ARPC5: variants seen among roughly 807,000 people sequenced by gnomAD.
ARPC5 encodes the protein actin related protein 2/3 complex subunit 5.
In ARPC5, 5 loss-of-function variants were observed where a neutral mutation model predicts 15.4. The observed-to-expected ratio is 0.32, with a 90% CI of 0.17 to 0.68. The LOEUF (loss-of-function observed/expected upper bound fraction) is 0.68. Ranked by LOEUF, ARPC5 falls within the 30% of genes least tolerant of loss-of-function variation. ARPC5 has a pLI of 0.71. For missense variants in ARPC5, 138 were observed against 192.8 expected (o/e 0.72, Z 1.68); for synonymous variants, 85 against 72.2 (o/e 1.18, Z -0.90).
intron 3 of ARPC5, among the ~76,000 whole-genome samples, chr1:183,627,985 A>C (rs1399238314): frequency 2.0e-5 from 3 of 151,930 alleles, no homozygotes; most frequent in Non-Finnish European, 4.4e-5. Context: ...CATCCTGGCT[A>C]ACATGGTGAA....
chr1:183,631,366 G>A (rs1572198331), intron 2 of ARPC5: 1 of 151,848 alleles, frequency 6.6e-6, no homozygotes, highest in Admixed American at 6.6e-5. Flanking sequence ...GATCACCTGA[G>A]GTCAGGAGTT....
chr1:183,633,796 C>T (rs984560338), intron 1 of ARPC5: 2 of 152,154 alleles, frequency 1.3e-5, no homozygotes, highest in African/African-American at 2.4e-5. Flanking sequence ...TTAGACCATA[C>T]CTATTAAATT....
At position 183,635,634 on chromosome 1, in the gene ARPC5, G is replaced by A. The variant is rs2101961910; in HGVS notation, c.26C>T (p.Ala9Val). Residue 9 changes from alanine (A) to valine (V), a missense_variant, in exon 1 of 4, where the codon GCC becomes GTC. Transcript: ENST00000359856. ...ATCCACGTCCACCTTCCGGAAGCGGGCCGACGACACTGTGTTCTTCGACAT... is the reference window on the plus strand; with the variant it reads ...ATCCACGTCCACCTTCCGGAAGCGGACCGACGACACTGTGTTCTTCGACAT... Reference protein sequence around the residue: MSKNTVSSARFRKVDVDEY... With the variant: MSKNTVSSVRFRKVDVDEY... 1 of 1,613,254 alleles carries A rather than the reference G, an allele frequency of 6.2e-7. No homozygotes were observed. The highest frequency in any genetic ancestry group is 8.5e-7 in the Non-Finnish European group (1 of 1,179,694).
At chr1:183,634,533 G>GT (rs987931555) in intron 1 of ARPC5, among the ~76,000 whole-genome samples, 1 of 152,214 alleles carries the variant, frequency 6.6e-6, no homozygotes, top group African/African-American at 2.4e-5. Context: ...TACAGCTTCG[G>GT]TTTTTTTGCA....
rs1388465790 is a variant in ARPC5, at chr1:183,623,017, G to C, written c.*4515C>G. ...GTTATGCAACCAAGAGATATTTGTT[G>C]AACATCAACTATGCCAAGTGAATGT... On this transcript the variant is annotated 3_prime_UTR_variant, in exon 4 of 4. Coordinates refer to ENST00000359856, the MANE Select transcript of ARPC5 (RefSeq NM_005717.4). The C allele has an allele frequency of 5.8e-6, 1 of 171,416 alleles. No homozygotes were observed. The highest frequency in any genetic ancestry group is 2.4e-5 in the African/African-American group (1 of 42,010). The allele number at this position is 171,416 out of a possible 1,614,324, so 10.6% of individuals were successfully genotyped here. A position where few individuals can be genotyped will look rare whatever the true frequency, so the allele number is the denominator to read the frequency against.
intron 2 of ARPC5, 22 bp from the exon 3 acceptor site, chr1:183,630,659 G>A: frequency 2.5e-6 from 4 of 1,602,490 alleles, no homozygotes; most frequent in Non-Finnish European, 3.4e-6. Context: ...ATAAATAACA[G>A]AACATTTAGA....
chr1:183,623,325 A>G lies in ARPC5; in HGVS notation c.*4207T>C. 1 of 1,139,596 alleles carries G rather than the reference A, an allele frequency of 8.8e-7. No individual in the cohort carries two copies. 70.6% of individuals were successfully genotyped at this position (1,139,596 alleles called of 1,614,324 possible). ...AGTAACAGAAATGATAAAGGAAAAT[A>G]GAAATGTTAAAGTGAATGCTGTGTC... On this transcript the variant is annotated 3_prime_UTR_variant, in exon 4 of 4. Transcript: ENST00000359856.
chr1:183,635,696 G>C lies in ARPC5; in HGVS notation c.-37C>G, dbSNP rs758727137. The C allele has an allele frequency of 1.4e-5, 22 of 1,599,088 alleles. No individual in the cohort carries two copies. Among genetic ancestry groups the C allele is most frequent in the Non-Finnish European group, 1.6e-5 (19 of 1,171,974 alleles). On this transcript the variant is annotated 5_prime_UTR_variant, in exon 1 of 4. Transcript: ENST00000359856. ...CCAGCGGCAAAGGCCTCTTCTTGGC[G>C]CTGCCTCTACCTCAGCAAGCCCAGC...
rs1017324122 is a variant in ARPC5, at chr1:183,635,774, G to T, written c.-115C>A. Reference sequence around the variant, plus strand: ...TCACTTCCCTCTTCCGCTCTGAGGCGTCGCCGACTGCCGCGGCTCGGACCG... The same window carrying T: ...TCACTTCCCTCTTCCGCTCTGAGGCTTCGCCGACTGCCGCGGCTCGGACCG... On this transcript the variant is annotated 5_prime_UTR_variant, in exon 1 of 4. Transcript: ENST00000359856. 5.1e-6 allele frequency: 7 copies of T among 1,376,808 alleles called. No individual in the cohort carries two copies. The highest frequency in any genetic ancestry group is 5.0e-5 in the East Asian group (2 of 39,848). 85.3% of individuals were successfully genotyped at this position (1,376,808 alleles called of 1,614,324 possible).
intron 2 of ARPC5, 46 bp downstream of exon 2, chr1:183,633,036 G>T: frequency 7.2e-7 from 1 of 1,397,936 alleles, no homozygotes; most frequent in Admixed American, 2.2e-5. Context: ...ATTTTACTAA[G>T]AATAAGATAT....
intron 3 of ARPC5, among the ~76,000 whole-genome samples, chr1:183,628,168 G>A (rs376276854): frequency 1.7e-4 from 11 of 64,696 alleles, no homozygotes; most frequent in South Asian, 5.3e-4. Flanking sequence ...GCAAGACTCC[G>A]TCTCAAAAAA....
chr1:183,628,364 G>T (rs1441693762), intron 3 of ARPC5, among the ~76,000 whole-genome samples: 1 of 151,850 alleles, frequency 6.6e-6, no homozygotes, highest in Non-Finnish European at 1.5e-5. Flanking sequence ...AGAAGGTATT[G>T]TTTAATAGCT....
chr1:183,621,136 AAC>A lies in ARPC5; in HGVS notation c.*6394_*6395del, dbSNP rs1648921588. On this transcript the variant is annotated 3_prime_UTR_variant, in exon 4 of 4. Transcript: ENST00000359856. ...AAAGATTAAAAAATGTTTTATGACA[AAC>A]ACATAGAATAGGTAAAGGGGTGGGA... The A allele has an allele frequency of 1.3e-5, 2 of 152,230 alleles. No homozygotes were observed. The highest frequency in any genetic ancestry group is 6.5e-5 in the Admixed American group (1 of 15,282). 9.4% of individuals were successfully genotyped at this position (152,230 alleles called of 1,614,324 possible).
Position 183,624,529 on chromosome 1 carries a change from CA to C in ARPC5, c.*3002del, listed in dbSNP as rs1041625651. 2.3e-5 allele frequency: 3 copies of C among 129,630 alleles called. No homozygotes were observed. Among genetic ancestry groups the C allele is most frequent in the Admixed American group, 1.4e-4 (2 of 14,096 alleles). The allele number at this position is 129,630 out of a possible 1,614,324, so 8.0% of individuals were successfully genotyped here. ...CTGTCTCAAAAAAAACAAAACAAAA[CA>C]AAACAAAACAAAACAAAACAAAAAA... On this transcript the variant is annotated 3_prime_UTR_variant, in exon 4 of 4. Transcript: ENST00000359856.
chr1:183,630,460 C>T lies in ARPC5; in HGVS notation c.393+1G>A. ...ATATAGATTTATAATTCATAACTTA[C>T]CTTTTCATGCCATTGCAGTAACATA... On this transcript the variant is annotated splice_donor_variant, in intron 3 of 3. Coordinates refer to ENST00000359856, the MANE Select transcript of ARPC5 (RefSeq NM_005717.4). LOFTEE classifies it high-confidence loss of function. The T allele has an allele frequency of 6.3e-7, 1 of 1,597,364 alleles. No homozygotes were observed. Among genetic ancestry groups the T allele is most frequent in the Non-Finnish European group, 8.5e-7 (1 of 1,171,628 alleles).
chr1:183,625,593 C>T lies in ARPC5; in HGVS notation c.*1939G>A, dbSNP rs7517010. 1 of 152,198 alleles carries T rather than the reference C, an allele frequency of 6.6e-6. No homozygotes were observed. Among genetic ancestry groups the T allele is most frequent in the Non-Finnish European group, 1.5e-5 (1 of 68,084 alleles). The allele number at this position is 152,198 out of a possible 1,614,324, so 9.4% of individuals were successfully genotyped here. A position where few individuals can be genotyped will look rare whatever the true frequency, so the allele number is the denominator to read the frequency against. ...ACAGTGGCATGTGCCTGTAGTTCCA[C>T]CTTTTCGGGAGGCTGAGGCAGGACT... On this transcript the variant is annotated 3_prime_UTR_variant, in exon 4 of 4. Coordinates refer to ENST00000359856, the MANE Select transcript of ARPC5 (RefSeq NM_005717.4).
chr1:183,628,121 C>T (rs565681528), intron 3 of ARPC5, among the ~76,000 whole-genome samples: 55 of 132,338 alleles, frequency 4.2e-4, no homozygotes, highest in African/African-American at 1.4e-3. Context: ...TGCAGTGAGC[C>T]GAGATTGCGC....
In ARPC5 at chr1:183,627,430, G is replaced by T; in HGVS notation, c.*102C>A. ...TGAAAAAGCAAGAAGGCAAAGCTGAGAGAAACAGATGCTACCCACAGGGCA... is the reference window on the plus strand; with the variant it reads ...TGAAAAAGCAAGAAGGCAAAGCTGATAGAAACAGATGCTACCCACAGGGCA... On this transcript the variant is annotated 3_prime_UTR_variant, in exon 4 of 4. Transcript: ENST00000359856. The T allele has an allele frequency of 1.0e-6, 1 of 956,568 alleles. No individual in the cohort carries two copies. Among genetic ancestry groups the T allele is most frequent in the South Asian group, 1.4e-5 (1 of 73,040 alleles). The allele number at this position is 956,568 out of a possible 1,614,324, so 59.3% of individuals were successfully genotyped here.
chr1:183,627,529 A>T lies in ARPC5; in HGVS notation c.*3T>A. ...CGAGGCAGATAATCCACTTCCTGCCAGACTACACAGTTTTTCTTGCAGTCA... is the reference window on the plus strand; with the variant it reads ...CGAGGCAGATAATCCACTTCCTGCCTGACTACACAGTTTTTCTTGCAGTCA... On this transcript the variant is annotated 3_prime_UTR_variant, in exon 4 of 4. Transcript: ENST00000359856. 1 of 1,613,876 alleles carries T rather than the reference A, an allele frequency of 6.2e-7. No individual in the cohort carries two copies. Among genetic ancestry groups the T allele is most frequent in the Non-Finnish European group, 8.5e-7 (1 of 1,179,782 alleles).
Sources: allele counts gnomAD v4.1 joint callset (sites outside exome capture counted in the v4.1 genomes callset), GRCh38; gene constraint gnomAD v4.1.1; transcripts MANE v1.5; gene names NCBI Gene and HGNC (gene_info 2026-07-23, HGNC 2026-07-21).